Variants in DPH6 observed in about 807,000 individuals in gnomAD.
The protein encoded by DPH6 is diphthamine biosynthesis 6, also known as diphthine--ammonia ligase.
A neutral mutation model predicts 38.2 loss-of-function variants in DPH6; 33 were observed. The observed-to-expected ratio is 0.86, with a 90% CI of 0.65 to 1.15. The LOEUF is 1.15. Ranked by LOEUF, DPH6 falls within the 50% of genes most tolerant of loss-of-function variation. The pLI, the probability that DPH6 is intolerant of heterozygous loss-of-function variation, is 0.00. For missense variants in DPH6, 325 were observed against 320.0 expected, an observed-to-expected ratio of 1.02 and a Z score of -0.12; for synonymous variants, 108 against 103.0, an observed-to-expected ratio of 1.05 and a Z score of -0.30.
intron 5 of DPH6, among the ~76,000 whole-genome samples, chr15:35,449,244 A>G (rs1339473532): frequency 5.9e-5 from 9 of 152,044 alleles, no homozygotes; most frequent in South Asian, 4.1e-4. Context: ...AATCAGATCT[A>G]TATTTTTGTT....
At chr15:35,281,470 T>C (rs557479950) in intron 3 of DPH6, among the ~76,000 whole-genome samples, 3 of 152,240 alleles carry the variant, frequency 2.0e-5, no homozygotes, top group Non-Finnish European at 4.4e-5. Flanking sequence ...ATGCTAATAA[T>C]AATTTTTTTT....
At chr15:35,365,696 C>G (rs1240234963) in intron 3 of DPH6, 1 of 818,506 alleles carries the variant, frequency 1.2e-6, no homozygotes, top group African/African-American at 1.9e-5. Context: ...CAGTTTGATT[C>G]CCAACACAAA....
intron 3 of DPH6, among the ~76,000 whole-genome samples, chr15:35,491,530 A>C (rs1227478395): frequency 6.7e-6 from 1 of 149,300 alleles, no homozygotes; most frequent in African/African-American, 2.5e-5. Flanking sequence ...TTCTCCAGAG[A>C]ATCAGAACCA....
At chr15:35,459,496 C>T (rs2141100878) in intron 3 of DPH6, among the ~76,000 whole-genome samples, 2 of 152,270 alleles carry the variant, frequency 1.3e-5, no homozygotes, top group East Asian at 3.9e-4. Flanking sequence ...GGTTGGGGGG[C>T]ATAATTAGTT....
chr15:35,384,854 T>G (rs2052926781), intron 6 of DPH6, among the ~76,000 whole-genome samples: 1 of 151,590 alleles, frequency 6.6e-6, no homozygotes, highest in Non-Finnish European at 1.5e-5. Context: ...TGGGAGAAAA[T>G]TTTTGCAAGT....
At chr15:35,402,288 G>A (rs1301804779) in intron 6 of DPH6, among the ~76,000 whole-genome samples, 1 of 152,080 alleles carries the variant, frequency 6.6e-6, no homozygotes, top group Non-Finnish European at 1.5e-5. Flanking sequence ...AGTTACTGTT[G>A]TGACCTGAAG....
intron 3 of DPH6, among the ~76,000 whole-genome samples, chr15:35,508,795 G>A (rs566633000): frequency 2.6e-5 from 4 of 152,120 alleles, no homozygotes; most frequent in South Asian, 2.1e-4. Flanking sequence ...TCCCTTTAGG[G>A]AGAAATATTG....
chr15:35,195,061 C>T, the DPH6 span, among the ~76,000 whole-genome samples: 132 of 152,246 alleles, frequency 8.7e-4, no homozygotes, highest in Middle Eastern at 6.8e-3. Context: ...CTCTCTTTAT[C>T]CACCCCTTTC....
intron 3 of DPH6, among the ~76,000 whole-genome samples, chr15:35,272,796 A>T (rs2051831014): frequency 6.6e-6 from 1 of 151,650 alleles, no homozygotes; most frequent in Non-Finnish European, 1.5e-5. Flanking sequence ...AATTCCAGCT[A>T]CTCTGGAGGC....
At chr15:35,529,262 CAATCAT>C (rs2055050230) in intron 3 of DPH6, among the ~76,000 whole-genome samples, 3 of 152,116 alleles carry the variant, frequency 2.0e-5, no homozygotes, top group Non-Finnish European at 4.4e-5. Flanking sequence ...AGGAAACTTA[CAATCAT>C]GGCAGAAGTC....
intron 3 of DPH6, chr15:35,237,526 G>C: frequency 6.4e-7 from 1 of 1,557,912 alleles, no homozygotes; most frequent in Middle Eastern, 1.7e-4. Context: ...ACAAACTTAA[G>C]AAGCTTGAAC....
At chr15:35,295,948 G>C (rs1327447234) in intron 3 of DPH6, among the ~76,000 whole-genome samples, 4 of 150,434 alleles carry the variant, frequency 2.7e-5, no homozygotes, top group Non-Finnish European at 5.9e-5. Flanking sequence ...TTGAGATAGA[G>C]TCTCGCTCTA....
At chr15:35,425,403 CAT>C (rs1177198042) in intron 5 of DPH6, among the ~76,000 whole-genome samples, 4 of 151,368 alleles carry the variant, frequency 2.6e-5, no homozygotes, top group African/African-American at 9.7e-5. Flanking sequence ...CTGACAGAGC[CAT>C]ATGTTTTACT....
rs371533654 is a variant in DPH6, at chr15:35,436,504, C to CAAAAAAAAAAAAAAA, written c.505+14180_505+14181insTTTTTTTTTTTTTTT. Among the ~76,000 whole-genome samples, 34 of 108,178 alleles carry CAAAAAAAAAAAAAAA rather than the reference C, an allele frequency of 3.1e-4. 2 individuals are homozygous for CAAAAAAAAAAAAAAA. The highest frequency in any genetic ancestry group is 4.5e-3 in the Middle Eastern group (1 of 224). The allele number at this position is 108,178 out of a possible 152,430, so 71.0% of individuals were successfully genotyped here. On this transcript the variant is annotated intron_variant, in intron 5 of 8. Transcript: ENST00000256538. ...AAAAACAAAACAAAACAAAACAAAA[C>CAAAAAAAAAAAAAAA]AAAACAAAACAAAAAAGGTTCTCTC...
At chr15:35,420,149 G>C (rs764536089) in intron 5 of DPH6, among the ~76,000 whole-genome samples, 1 of 152,132 alleles carries the variant, frequency 6.6e-6, no homozygotes, top group Non-Finnish European at 1.5e-5. Context: ...AAATTGAGAA[G>C]TGTGTGAAAA....
chr15:35,276,805 A>T (rs2051862261), intron 3 of DPH6, among the ~76,000 whole-genome samples: 1 of 152,188 alleles, frequency 6.6e-6, no homozygotes, highest in South Asian at 2.1e-4. Context: ...ATTTTTATAC[A>T]GTACCATGCT....
At chr15:35,299,538 C>T (rs2052040373) in intron 3 of DPH6, 2 of 580,676 alleles carry the variant, frequency 3.4e-6, no homozygotes, top group East Asian at 3.3e-5. Flanking sequence ...ACGGCGGCAC[C>T]ACCCTCCGCT....
chr15:35,325,468 CG>C (rs888249644), intron 3 of DPH6, among the ~76,000 whole-genome samples: 10 of 152,012 alleles, frequency 6.6e-5, no homozygotes, highest in Non-Finnish European at 1.2e-4. Context: ...CTGCAGAACC[CG>C]GGAGAAAGAA....
chr15:35,250,567 G>A (rs2051667227), intron 3 of DPH6, among the ~76,000 whole-genome samples: 1 of 152,038 alleles, frequency 6.6e-6, no homozygotes, highest in Non-Finnish European at 1.5e-5. Context: ...AACTAATATT[G>A]CTGAATATTT....
Sources: allele counts gnomAD v4.1 joint callset (sites outside exome capture counted in the v4.1 genomes callset), GRCh38; gene constraint gnomAD v4.1.1; transcripts MANE v1.5; gene names NCBI Gene and HGNC (gene_info 2026-07-23, HGNC 2026-07-21).